The following MGST2 variants were observed in gnomAD, a reference collection of about 807,000 sequenced individuals.
The protein encoded by MGST2 is microsomal glutathione S-transferase 2, also known as glutathione peroxidase MGST2.
Under a neutral mutation model 16.6 loss-of-function variants are expected in MGST2, and 9 were observed. The observed-to-expected ratio is 0.54, with a 90% CI of 0.33 to 0.95. MGST2 has a LOEUF of 0.95. Among genes scored for constraint, MGST2 ranks in the 40% least tolerant of loss-of-function variants. The pLI, the probability that MGST2 is intolerant of heterozygous loss-of-function variation, is 0.03. For synonymous variants in MGST2, 79 were observed against 68.0 expected, an observed-to-expected ratio of 1.16 and a Z score of -0.79; for missense variants, 159 against 175.1, an observed-to-expected ratio of 0.91 and a Z score of 0.52.
chr4:139,722,991 G>T (rs1328558241), intron 5 of MGST2, among the ~76,000 whole-genome samples: 1 of 152,198 alleles, frequency 6.6e-6, no homozygotes, highest in East Asian at 1.9e-4. Flanking sequence ...CGTGTTCCAC[G>T]TCACGAATAG....
chr4:139,735,875 G>T lies in MGST2; in HGVS notation c.*49-4337G>T, dbSNP rs1232631983. On this transcript the variant is annotated intron_variant, in intron 5 of 5. Transcript: ENST00000616265. The surrounding 1 kb of genome is among the most constrained non-coding windows in gnomAD (Gnocchi z 5.8). ...GCAGGGGCGGTGCGGCGGCGCTCGG[G>T]AGACCCGCGAGGGGCCCTGGAGGTC... Among the ~76,000 whole-genome samples the T allele has an allele frequency of 6.6e-6, 1 of 151,934 alleles. No individual in the cohort carries two copies. The highest frequency in any genetic ancestry group is 2.4e-5 in the African/African-American group (1 of 41,394).
chr4:139,741,537 A>C (rs769199609), downstream of MGST2, among the ~76,000 whole-genome samples: 2 of 152,096 alleles, frequency 1.3e-5, no homozygotes, highest in African/African-American at 4.8e-5. Context: ...GGATTGCTTG[A>C]GTTCAGTTCA....
At chr4:139,736,512 T>C (rs1728953516) in intron 5 of MGST2, among the ~76,000 whole-genome samples, 1 of 152,054 alleles carries the variant, frequency 6.6e-6, no homozygotes, top group Non-Finnish European at 1.5e-5. Context: ...ATGAAAACCA[T>C]ACTCATAAGA....
intron 5 of MGST2, chr4:139,718,442 T>G (rs1054581322): frequency 2.6e-5 from 4 of 152,250 alleles, no homozygotes; most frequent in Admixed American, 2.6e-4. Flanking sequence ...AGACAAAGGC[T>G]CCAGGCTGGC....
intron 1 of MGST2, among the ~76,000 whole-genome samples, chr4:139,669,287 GAC>G (rs1159210082): frequency 1.3e-5 from 2 of 152,174 alleles, no homozygotes; most frequent in African/African-American, 2.4e-5. Flanking sequence ...GAGAGAGGAA[GAC>G]ACAACTGTTT....
intron 2 of MGST2, among the ~76,000 whole-genome samples, chr4:139,694,025 C>G (rs184812090): frequency 6.6e-6 from 1 of 152,176 alleles, no homozygotes; most frequent in African/African-American, 2.4e-5. Flanking sequence ...ATGTTTCTTA[C>G]CCAGCTTTAA....
At chr4:139,736,632 A>G (rs1486306956) in intron 5 of MGST2, among the ~76,000 whole-genome samples, 3 of 152,350 alleles carry the variant, frequency 2.0e-5, no homozygotes. Flanking sequence ...GCAATTTGGG[A>G]AAAATGAGTA....
At chr4:139,704,642 G>A (rs536130274), downstream of MGST2, among the ~76,000 whole-genome samples, 68 of 152,210 alleles carry the variant, frequency 4.5e-4, no homozygotes, top group Admixed American at 7.2e-4. Context: ...GTTATAGAAG[G>A]CTGGGCGTGG....
At chr4:139,733,660 C>T (rs1244397438) in intron 5 of MGST2, among the ~76,000 whole-genome samples, 1 of 151,596 alleles carries the variant, frequency 6.6e-6, no homozygotes, top group Non-Finnish European at 1.5e-5. Flanking sequence ...TGAAGACCTA[C>T]AGGCAGGAAG....
At chr4:139,672,599 G>A (rs1372574064) in intron 1 of MGST2, among the ~76,000 whole-genome samples, 2 of 147,018 alleles carry the variant, frequency 1.4e-5, no homozygotes, top group Admixed American at 1.4e-4. Flanking sequence ...TTTTTGACTC[G>A]GAGTACAGTG....
At chr4:139,702,844 GTTTT>G (rs70943436) in intron 3 of MGST2, among the ~76,000 whole-genome samples, 879 of 46,452 alleles carry the variant, frequency 0.019, 19 homozygotes, top group African/African-American at 0.043. Context: ...TGTGTTACTG[GTTTT>G]TTTTTTTTTT....
chr4:139,694,652 T>TC (rs917513833), intron 2 of MGST2, among the ~76,000 whole-genome samples: 23 of 152,296 alleles, frequency 1.5e-4, no homozygotes, highest in African/African-American at 5.5e-4. Context: ...AGCTTTGGAA[T>TC]CTAGAGATGG....
Position 139,715,883 on chromosome 4 carries a change from T to G in MGST2, c.*48+11687T>G, listed in dbSNP as rs766635613. Among the ~76,000 whole-genome samples, 4 of 152,216 alleles carry G rather than the reference T, an allele frequency of 2.6e-5. No homozygotes were observed. Among genetic ancestry groups the G allele is most frequent in the Non-Finnish European group, 2.9e-5 (2 of 68,030 alleles). On this transcript the variant is annotated intron_variant, in intron 5 of 5. Coordinates refer to the MGST2 transcript ENST00000616265. This position sits in a 1 kb window ranked among gnomAD's most constrained non-coding sequence, Gnocchi z 4.4. ...TCCTATCTCATCCTGTGACTTAGAA[T>G]GCCTTAACCGTCTGGGAATGCAGCC...
the MGST2 span, among the ~76,000 whole-genome samples, chr4:139,753,634 T>C: frequency 6.6e-6 from 1 of 152,172 alleles, no homozygotes; most frequent in African/African-American, 2.4e-5. Flanking sequence ...TGCAGATCTT[T>C]TATGCTCCTT....
intron 5 of MGST2, among the ~76,000 whole-genome samples, chr4:139,711,075 G>A (rs529482308): frequency 4.6e-5 from 7 of 151,144 alleles, no homozygotes; most frequent in Non-Finnish European, 8.8e-5. Context: ...GTGCAGTGGC[G>A]TGATCACAAT....
intron 5 of MGST2, chr4:139,719,980 C>T (rs755079317): frequency 6.2e-7 from 1 of 1,614,080 alleles, no homozygotes; most frequent in East Asian, 2.2e-5. Flanking sequence ...CTGAGTTCAC[C>T]AGCATGCTCT....
the MGST2 span, among the ~76,000 whole-genome samples, chr4:139,747,040 C>T: frequency 4.1e-4 from 62 of 152,286 alleles, no homozygotes; most frequent in Non-Finnish European, 7.4e-4. Context: ...TGTTTGGAAC[C>T]TACTGAGTCT....
At chr4:139,742,138 T>A (rs1484032845), downstream of MGST2, among the ~76,000 whole-genome samples, 1 of 134,784 alleles carries the variant, frequency 7.4e-6, no homozygotes, top group Non-Finnish European at 1.6e-5. Context: ...CTTAAACTTT[T>A]CTTTTCTTTT....
intron 2 of MGST2, among the ~76,000 whole-genome samples, chr4:139,691,697 G>GATGATT (rs1462911789): frequency 2.2e-5 from 3 of 137,488 alleles, no homozygotes; most frequent in East Asian, 2.0e-4. Context: ...TGATGATGAT[G>GATGATT]ATTATTATTA....
Sources: allele counts gnomAD v4.1 joint callset (sites outside exome capture counted in the v4.1 genomes callset), GRCh38; gene constraint gnomAD v4.1.1; non-coding constraint Gnocchi (gnomAD v3.1); transcripts MANE v1.5; gene names NCBI Gene and HGNC (gene_info 2026-07-23, HGNC 2026-07-21).